The following BDP1 variants were observed in gnomAD, a reference collection of about 807,000 sequenced individuals.
The protein encoded by BDP1 is BDP1 general transcription factor IIIB subunit, also known as transcription factor TFIIIB component B'' homolog.
Under a neutral mutation model 266.6 loss-of-function variants are expected in BDP1, and 169 were observed. The observed-to-expected ratio is 0.63, with a 90% CI of 0.56 to 0.72. The LOEUF (loss-of-function observed/expected upper bound fraction) is 0.72. Ranked by LOEUF, BDP1 falls within the 30% of genes least tolerant of loss-of-function variation. BDP1 has a pLI of 0.00. For missense variants in BDP1, 3,015 were observed against 3,053.8 expected (o/e 0.99, Z 0.30); for synonymous variants, 1,090 against 1,022.4 (o/e 1.07, Z -1.26).
At chr5:71,573,279 A>G in the BDP1 span, among the ~76,000 whole-genome samples, 1 of 151,928 alleles carries the variant, frequency 6.6e-6, no homozygotes, top group Non-Finnish European at 1.5e-5. Flanking sequence ...AGGGAGGATG[A>G]AAATTGGCCT....
At position 71,539,084 on chromosome 5, in the gene BDP1, TG is replaced by T. The variant is rs774466008; in HGVS notation, c.5929+7del. The T allele has an allele frequency of 9.9e-5, 158 of 1,598,678 alleles. No homozygotes were observed. In the Admixed American group the frequency reaches 2.5e-3, roughly 25 times the overall value. ...ACATATCCAAGATGAACCAGGTAAC[TG>T]TTATCAAGGAAACTGCTAAGACTAC... is the stretch of plus-strand genomic sequence containing the variant. On this transcript the variant is annotated splice_region_variant and intron_variant, in intron 27 of 38. Transcript: ENST00000358731.
chr5:71,462,243 G>A (rs1414716724), intron 3 of BDP1, among the ~76,000 whole-genome samples: 4 of 152,064 alleles, frequency 2.6e-5, no homozygotes, highest in Admixed American at 6.6e-5. Context: ...GATTACAGGC[G>A]TGAGCCACTG....
intron 2 of BDP1, 138 bp downstream of exon 2, chr5:71,458,993 T>A: frequency 1.4e-6 from 1 of 735,578 alleles, no homozygotes; most frequent in Non-Finnish European, 2.2e-6. Context: ...ACATCCCTTC[T>A]TGTTAATGGA....
At chr5:71,472,681 T>G (rs891608068) in intron 7 of BDP1, among the ~76,000 whole-genome samples, 2 of 152,162 alleles carry the variant, frequency 1.3e-5, no homozygotes, top group African/African-American at 4.8e-5. Context: ...TATTTTGATA[T>G]GAGGCTTATA....
At chr5:71,486,710 T>C (rs1315621132) in intron 9 of BDP1, 83 bp downstream of exon 9, 13 of 1,158,686 alleles carry the variant, frequency 1.1e-5, no homozygotes, top group Non-Finnish European at 1.5e-5. Context: ...TGAGAGTTCA[T>C]GTGTAGCTCA....
chr5:71,495,382 A>C lies in BDP1; in HGVS notation c.1773A>C (p.Arg591Ser). 6.3e-7 allele frequency: 1 copy of C among 1,582,352 alleles called. No individual in the cohort carries two copies. Among genetic ancestry groups the C allele is most frequent in the Non-Finnish European group, 8.6e-7 (1 of 1,164,396 alleles). ...CTGAGGGTAGTTGTATAGAAGAAAG[A>C]AATGTTGACCTAAAAAATAATTCAC... ...NNAEGSCIEE[R>S]NVDLKNNSLE... Residue 591 changes from arginine (R) to serine (S), a missense_variant, in exon 12 of 39, where the codon AGA (arginine) becomes AGC (serine). Arg to Ser is a moderately radical substitution (Grantham distance 110). Around this residue, in one of 3 missense-constraint regions of BDP1, gnomAD observed 2,383 missense variants for 2,404.9 expected, o/e 0.99. Transcript: ENST00000358731.
chr5:71,548,832 T>C, intron 33 of BDP1, 87 bp downstream of exon 33: 1 of 993,720 alleles, frequency 1.0e-6, no homozygotes. Flanking sequence ...CATAAAACAG[T>C]TGTATTTTAG....
In BDP1 at chr5:71,458,663, A is replaced by G; in HGVS notation, c.297A>G (p.Ser99=). The G allele has an allele frequency of 6.2e-7, 1 of 1,613,848 alleles. No homozygotes were observed. Among genetic ancestry groups the G allele is most frequent in the Non-Finnish European group, 8.5e-7 (1 of 1,179,732 alleles). ...TTTCACAGAGAAGAAAGCGAATATC[A>G]AGTACTTCTAGCCTGGTTAAGTCTA... ...STVSQRRKRI[S]STSSLVKSSV... The change falls in exon 2 of 39, where the codon TCA becomes TCG. Residue 99 remains serine, a synonymous_variant. Coordinates refer to ENST00000358731, the MANE Select transcript of BDP1 (RefSeq NM_018429.3).
In BDP1 at chr5:71,549,535, C is replaced by T; in HGVS notation, c.6924C>T (p.Phe2308=). The T allele has an allele frequency of 1.2e-6, 2 of 1,613,994 alleles. No individual in the cohort carries two copies. Among genetic ancestry groups the T allele is most frequent in the Non-Finnish European group, 1.7e-6 (2 of 1,179,964 alleles). ...VEEFTDATAQ[F]MPNPLLPAPI... ...AATTTACTGATGCCACTGCACAGTT[C>T]ATGCCAAACCCTTTACTGCCAGCTC... is the stretch of plus-strand genomic sequence containing the variant. The change falls in exon 34 of 39, where the codon TTC becomes TTT. Residue 2308 remains phenylalanine (F), a synonymous_variant. Transcript: ENST00000358731.
At chr5:71,498,812 C>T (rs865976547) in intron 13 of BDP1, among the ~76,000 whole-genome samples, 4 of 151,580 alleles carry the variant, frequency 2.6e-5, no homozygotes, top group South Asian at 2.1e-4. Flanking sequence ...CAGCCTCTGT[C>T]TCCCAGGTTC....
chr5:71,467,339 A>G lies in BDP1; in HGVS notation c.786-15A>G. The G allele has an allele frequency of 6.4e-7, 1 of 1,571,192 alleles. No homozygotes were observed. The highest frequency in any genetic ancestry group is 8.7e-7 in the Non-Finnish European group (1 of 1,149,160). ...GTTTTTAGTATACATCTATTTAAAA[A>G]TGTGTTTATTTCAGTTTAACTGTAG... On this transcript the variant is annotated splice_polypyrimidine_tract_variant and intron_variant, in intron 5 of 38. Coordinates refer to ENST00000358731, the MANE Select transcript of BDP1 (RefSeq NM_018429.3).
At position 71,504,721 on chromosome 5, in the gene BDP1, A is replaced by G; in HGVS notation, c.2342A>G (p.Asp781Gly). The G allele has an allele frequency of 6.2e-7, 1 of 1,613,768 alleles. No homozygotes were observed. Reference protein sequence around the residue: ...KNDSFQNVQPDEPKVLNECLS... With the variant: ...KNDSFQNVQPGEPKVLNECLS... ...GATTCTTTTCAAAATGTGCAGCCAG[A>G]TGAGCCCAAGGTTCTTAATGAATGT... Residue 781 changes from aspartate (D) to glycine (G), a missense_variant, in exon 16 of 39, where the codon GAT (aspartate) becomes GGT (glycine). This residue lies in a region of BDP1 where 2,383 missense variants were observed against 2,404.9 expected (regional missense o/e 0.99). Transcript: ENST00000358731.
intron 15 of BDP1, among the ~76,000 whole-genome samples, chr5:71,503,044 G>A (rs1445512829): frequency 9.0e-5 from 12 of 133,440 alleles, no homozygotes; most frequent in African/African-American, 3.0e-4. Flanking sequence ...CAGCCTAGGC[G>A]ACAGAGCAAG....
chr5:71,495,380 A>G lies in BDP1; in HGVS notation c.1771A>G (p.Arg591Gly). 1 of 1,583,122 alleles carries G rather than the reference A, an allele frequency of 6.3e-7. No homozygotes were observed. The highest frequency in any genetic ancestry group is 8.6e-7 in the Non-Finnish European group (1 of 1,164,774). ...TGCTGAGGGTAGTTGTATAGAAGAA[A>G]GAAATGTTGACCTAAAAAATAATTC... Reference protein sequence around the residue: ...NNAEGSCIEERNVDLKNNSLE... With the variant: ...NNAEGSCIEEGNVDLKNNSLE... Residue 591 changes from arginine (R) to glycine (G), a missense_variant, in exon 12 of 39, where the codon AGA becomes GGA. Physicochemically the swap from Arg to Gly is moderately radical, Grantham distance 125. This residue lies in a region of BDP1 where 2,383 missense variants were observed against 2,404.9 expected (regional missense o/e 0.99). Coordinates refer to ENST00000358731, the MANE Select transcript of BDP1 (RefSeq NM_018429.3).
intron 36 of BDP1, among the ~76,000 whole-genome samples, chr5:71,557,156 C>G (rs763998956): frequency 6.6e-5 from 10 of 152,124 alleles, no homozygotes; most frequent in Non-Finnish European, 1.2e-4. Context: ...CAAGGATTTT[C>G]TATGTAAGCT....
chr5:71,562,156 C>T, intron 37 of BDP1, 118 bp from the exon 38 acceptor site: 1 of 989,314 alleles, frequency 1.0e-6, no homozygotes, highest in Non-Finnish European at 1.4e-6. Flanking sequence ...CGAGATTGCG[C>T]CACTGCACTC....
At chr5:71,562,551 G>A (rs111938096) in intron 38 of BDP1, 31 bp downstream of exon 38, 23,843 of 1,595,826 alleles carry the variant, frequency 0.015, 257 homozygotes, top group Non-Finnish European at 0.017. Flanking sequence ...TTTATAGTTT[G>A]TATGAGATGG....
At chr5:71,463,551 G>T (rs1400554367) in intron 3 of BDP1, among the ~76,000 whole-genome samples, 1 of 152,134 alleles carries the variant, frequency 6.6e-6, no homozygotes, top group Non-Finnish European at 1.5e-5. Context: ...GTTGGGCGTG[G>T]TGGCTCATGC....
rs778478378 is a variant in BDP1, at chr5:71,524,245, C to T, written c.5694C>T (p.Asn1898=). The T allele has an allele frequency of 1.2e-6, 2 of 1,614,108 alleles. No homozygotes were observed. Among genetic ancestry groups the T allele is most frequent in the South Asian group, 2.2e-5 (2 of 91,082 alleles). ...ATCATCTTGCTCCCGAAGAAGTAAA[C>T]AAAGCTCCAGTATTTGTACCTGTTG... ...ESYHLAPEEV[N]KAPVFVPVGL... is the part of the protein sequence containing the mutation. The change falls in exon 25 of 39, where the codon AAC becomes AAT. Residue 1898 remains asparagine, a synonymous_variant. Coordinates refer to ENST00000358731, the MANE Select transcript of BDP1 (RefSeq NM_018429.3).
Sources: gnomAD v4.1 joint callset for allele counts (sites outside exome capture counted in the v4.1 genomes callset) on GRCh38, gnomAD v4.1.1 for gene constraint, gnomAD v4.1.1 regional missense constraint, MANE v1.5 for transcripts, NCBI Gene and HGNC (gene_info 2026-07-23, HGNC 2026-07-21) for gene names.